Variants in FANCI observed in about 807,000 individuals in gnomAD.
FANCI encodes the protein Fanconi anemia group I protein.
FANCI carries 156 observed loss-of-function variants against 176.1 expected under a neutral mutation model. The observed-to-expected ratio is 0.89, with a 90% CI of 0.78 to 1.01. The LOEUF (loss-of-function observed/expected upper bound fraction) is 1.01, where lower values mean the gene tolerates loss of function less well. Among genes scored for constraint, FANCI ranks in the 50% least tolerant of loss-of-function variants. FANCI has a pLI of 0.00. For missense variants in FANCI, 1,678 were observed against 1,534.1 expected (o/e 1.09, Z -1.57); for synonymous variants, 613 against 541.7 (o/e 1.13, Z -1.83).
intron 34 of FANCI, among the ~76,000 whole-genome samples, chr15:89,308,854 G>A (rs1323918878): frequency 1.3e-5 from 2 of 151,916 alleles, no homozygotes; most frequent in Non-Finnish European, 2.9e-5. Context: ...GCTGAGGCAG[G>A]AGAATCGCCT....
chr15:89,278,213 T>C (rs774052668), intron 13 of FANCI, among the ~76,000 whole-genome samples: 7 of 152,246 alleles, frequency 4.6e-5, no homozygotes, highest in Non-Finnish European at 1.0e-4. Flanking sequence ...GAATTTTAAC[T>C]ACAATTCAAG....
chr15:89,274,458 G>C lies in FANCI; in HGVS notation c.1112+154G>C, dbSNP rs11073853. On this transcript the variant is annotated intron_variant, in intron 12 of 37. Transcript: ENST00000310775. The stretch of plus-strand genomic sequence containing the variant: ...GTTCATTTTCTTAAAACTGGTAGAG[G>C]ATACTTTTTCCCTATGGAAATATCC... 0.98 allele frequency among the ~76,000 whole-genome samples: 149,808 copies of C among 152,320 alleles called. 73,678 individuals are homozygous for C. The highest frequency in any genetic ancestry group is 1 in the East Asian group (5,188 of 5,188).
At chr15:89,289,277 T>TCCTTTCC (rs1206971645) in intron 18 of FANCI, among the ~76,000 whole-genome samples, 2 of 152,186 alleles carry the variant, frequency 1.3e-5, no homozygotes, top group Non-Finnish European at 2.9e-5. Flanking sequence ...TTTGTTCCGT[T>TCCTTTCC]CCTTTCCCCT....
At chr15:89,285,038 CTCCTT>C in intron 17 of FANCI, 53 bp from the exon 18 acceptor site, 1 of 1,611,490 alleles carries the variant, frequency 6.2e-7, no homozygotes, top group East Asian at 2.2e-5. Context: ...GCTCATTTAG[CTCCTT>C]ATTGGAAACA....
chr15:89,295,453 G>A (rs1024874532), intron 24 of FANCI, among the ~76,000 whole-genome samples: 1 of 151,668 alleles, frequency 6.6e-6, no homozygotes, highest in African/African-American at 2.4e-5. Flanking sequence ...ATTACCTGAG[G>A]TTGGGAGTTC....
chr15:89,280,838 G>C (rs2053586633), intron 14 of FANCI, among the ~76,000 whole-genome samples: 2 of 152,116 alleles, frequency 1.3e-5, no homozygotes, highest in Admixed American at 1.3e-4. Context: ...CTTGTGCATA[G>C]TAAAAATTCA....
chr15:89,295,151 GAACA>G, intron 24 of FANCI, 57 bp downstream of exon 24: 1 of 1,508,792 alleles, frequency 6.6e-7, no homozygotes, highest in Non-Finnish European at 8.9e-7. Flanking sequence ...GTCTCCAAGA[GAACA>G]AACTGGGAAC....
Position 89,314,788 on chromosome 15 carries a change from T to C in FANCI, c.3816+81T>C, listed in dbSNP as rs1319133143. The C allele has an allele frequency of 9.5e-6, 9 of 952,168 alleles. No individual in the cohort carries two copies. In the Admixed American group the frequency reaches 1.5e-4, roughly 15 times the overall value. 59.0% of individuals were successfully genotyped at this position (952,168 alleles called of 1,614,324 possible). ...GCAAACTGAAGCAGCACAACTACAA[T>C]GGAGGAAAAGAGACTCTGGGCCATT... On this transcript the variant is annotated intron_variant, in intron 36 of 37. Coordinates refer to ENST00000310775, the MANE Select transcript of FANCI (RefSeq NM_001113378.2).
chr15:89,262,067 A>G (rs1222858877), intron 6 of FANCI, among the ~76,000 whole-genome samples, 189 bp downstream of exon 6: 2 of 152,172 alleles, frequency 1.3e-5, no homozygotes, highest in African/African-American at 2.4e-5. Context: ...TCTGTCCTCT[A>G]AGACTGTTCA....
At chr15:89,308,868 C>T (rs1469419895) in intron 34 of FANCI, among the ~76,000 whole-genome samples, 1 of 151,968 alleles carries the variant, frequency 6.6e-6, no homozygotes, top group Admixed American at 6.6e-5. Context: ...ATCGCCTGAA[C>T]CTGGAGGGCG....
chr15:89,281,641 T>G (rs1458745940), intron 15 of FANCI, 124 bp from the exon 16 acceptor site: 11 of 936,240 alleles, frequency 1.2e-5, no homozygotes, highest in Non-Finnish European at 1.9e-5. Context: ...GTAATAAACA[T>G]TAAAACGTAT....
At chr15:89,284,480 A>G (rs539485895) in intron 17 of FANCI, among the ~76,000 whole-genome samples, 1 of 152,360 alleles carries the variant, frequency 6.6e-6, no homozygotes, top group African/African-American at 2.4e-5. Context: ...CATTTTAAAG[A>G]CAGGGAAACT....
rs560142612 is a variant in FANCI, at chr15:89,264,576, A to G, written c.724A>G (p.Lys242Glu). The change falls in exon 9 of 38, where the codon AAG becomes GAG. Residue 242 changes from lysine (K) to glutamate (E), a missense_variant. Transcript: ENST00000310775. Reference sequence around the variant, plus strand: ...CATAGCCTTCTTCAGTGCACTAGATAAGCAGCACAATGAGGAACAGAGTGG... The same window carrying G: ...CATAGCCTTCTTCAGTGCACTAGATGAGCAGCACAATGAGGAACAGAGTGG... ...GIIAFFSALD[K>E]QHNEEQSGDE... 1.9e-6 allele frequency: 3 copies of G among 1,613,850 alleles called. No homozygotes were observed. In the South Asian group the frequency reaches 3.3e-5, roughly 18 times the overall value.
intron 2 of FANCI, among the ~76,000 whole-genome samples, chr15:89,251,193 A>G (rs1011414127): frequency 6.6e-6 from 1 of 152,242 alleles, no homozygotes; most frequent in African/African-American, 2.4e-5. Context: ...CTGTGCAAAT[A>G]AATTTGAAAA....
In FANCI at chr15:89,285,351, G is replaced by T. The variant is rs78519000; in HGVS notation, c.1821+133G>T. Reference sequence around the variant, plus strand: ...GTAGTCAGCACCAGTAGCTAGTGATGTTTAGTCAAAAAGTTGTTTAAGGCA... The same window carrying T: ...GTAGTCAGCACCAGTAGCTAGTGATTTTTAGTCAAAAAGTTGTTTAAGGCA... On this transcript the variant is annotated intron_variant, in intron 18 of 37. Coordinates refer to ENST00000310775, the MANE Select transcript of FANCI (RefSeq NM_001113378.2). The T allele has an allele frequency of 0.011, 13,677 of 1,277,062 alleles. 1,044 individuals carry two copies. In the African/African-American group the frequency reaches 0.17, roughly 16 times the overall value. 79.1% of individuals were successfully genotyped at this position (1,277,062 alleles called of 1,614,324 possible).
At position 89,264,747 on chromosome 15, in the gene FANCI, C is replaced by T. The variant is rs1596249693; in HGVS notation, c.755+140C>T. The T allele has an allele frequency of 7.5e-6, 5 of 669,172 alleles. 1 individual carries two copies. In the Admixed American group the frequency reaches 8.5e-5, roughly 11 times the overall value. 41.5% of individuals were successfully genotyped at this position (669,172 alleles called of 1,614,324 possible). A position where few individuals can be genotyped will look rare whatever the true frequency, so the allele number is the denominator to read the frequency against. On this transcript the variant is annotated intron_variant, in intron 9 of 37. Coordinates refer to ENST00000310775, the MANE Select transcript of FANCI (RefSeq NM_001113378.2). ...CTTTTCTAATCTTCTCTTAGCTACT[C>T]AGTAATAAAGAGAATAACATGATCT...
At chr15:89,288,336 C>A (rs574324573) in intron 18 of FANCI, among the ~76,000 whole-genome samples, 2 of 151,740 alleles carry the variant, frequency 1.3e-5, no homozygotes, top group Non-Finnish European at 1.5e-5. Flanking sequence ...CCCTTCCCCC[C>A]CAAAAAAAAT....
chr15:89,297,499 C>T (rs1298527825), intron 24 of FANCI, among the ~76,000 whole-genome samples: 2 of 152,210 alleles, frequency 1.3e-5, no homozygotes, highest in African/African-American at 4.8e-5. Context: ...GAGACTCCGT[C>T]TGCAATCCCG....
intron 9 of FANCI, among the ~76,000 whole-genome samples, chr15:89,266,606 G>A (rs2052974186): frequency 6.6e-6 from 1 of 151,744 alleles, no homozygotes; most frequent in African/African-American, 2.4e-5. Context: ...TGGGATTACA[G>A]GCGTGAGCCA....
Sources: gnomAD v4.1 joint callset for allele counts (sites outside exome capture counted in the v4.1 genomes callset) on GRCh38, gnomAD v4.1.1 for gene constraint, MANE v1.5 for transcripts, NCBI Gene and HGNC (gene_info 2026-07-23, HGNC 2026-07-21) for gene names.